Variants in PAFAH1B3 observed in about 807,000 individuals in gnomAD.
PAFAH1B3 encodes platelet-activating factor acetylhydrolase IB subunit alpha1.
A neutral mutation model predicts 24.4 loss-of-function variants in PAFAH1B3; 15 were observed. That is an observed-to-expected ratio of 0.62 (90% CI 0.41 to 0.95). The LOEUF is 0.95. Ranked by LOEUF, PAFAH1B3 falls within the 40% of genes least tolerant of loss-of-function variation. PAFAH1B3 has a pLI of 0.00. For synonymous variants in PAFAH1B3, 144 were observed against 126.5 expected, an observed-to-expected ratio of 1.14 and a Z score of -0.93; for missense variants, 266 against 312.2, an observed-to-expected ratio of 0.85 and a Z score of 1.12.
intron 2 of PAFAH1B3, among the ~76,000 whole-genome samples, chr19:42,301,609 G>T (rs943935258): frequency 1.3e-5 from 2 of 152,166 alleles, no homozygotes; most frequent in African/African-American, 4.8e-5. Context: ...CATTAGAGTT[G>T]CCCTTCGCTT....
chr19:42,299,918 G>C, intron 4 of PAFAH1B3, 52 bp downstream of exon 4: 1 of 1,609,308 alleles, frequency 6.2e-7, no homozygotes, highest in Admixed American at 1.7e-5. Flanking sequence ...CTATATCTGA[G>C]GGGGTCCCAG....
Position 42,300,293 on chromosome 19 carries a change from G to A in PAFAH1B3, c.169-6C>T, listed in dbSNP as rs1382599704. 1.2e-6 allele frequency: 2 copies of A among 1,613,012 alleles called. No individual in the cohort carries two copies. The highest frequency in any genetic ancestry group is 1.7e-6 in the Non-Finnish European group (2 of 1,179,028). ...GAGAAGAGCTCGCGCCAGATCTGTG[G>A]GCAAGAAGTGGTGTGGGCAAGAAGT... On this transcript the variant is annotated splice_region_variant and splice_polypyrimidine_tract_variant and intron_variant, in intron 2 of 4. Transcript: ENST00000262890.
Position 42,302,243 on chromosome 19 carries a change from A to T in PAFAH1B3, c.67T>A (p.Trp23Arg). 1 of 1,599,842 alleles carries T rather than the reference A, an allele frequency of 6.3e-7. No homozygotes were observed. The highest frequency in any genetic ancestry group is 8.5e-7 in the Non-Finnish European group (1 of 1,173,486). The change falls in exon 1 of 5, where the codon TGG becomes AGG. Residue 23 changes from tryptophan (W) to arginine (R), a missense_variant. By Grantham distance (101) the Trp-to-Arg change is moderately radical. Coordinates refer to ENST00000262890, the MANE Select transcript of PAFAH1B3 (RefSeq NM_002573.4). ...GTGGGAACGCTCACCAGGGACATCC[A>T]GCGCCCGTCGCCCTGTACGTCCTGC... is the stretch of plus-strand genomic sequence containing the variant. ...PVQDVQGDGRWMSLHHRFVAD... is the reference protein window; with the variant it reads ...PVQDVQGDGRRMSLHHRFVAD...
chr19:42,298,511 G>C (rs2038571339), intron 4 of PAFAH1B3, among the ~76,000 whole-genome samples: 1 of 152,054 alleles, frequency 6.6e-6, no homozygotes, highest in Non-Finnish European at 1.5e-5. Flanking sequence ...ATAAATAAAA[G>C]ATATCAACAT....
intron 4 of PAFAH1B3, among the ~76,000 whole-genome samples, chr19:42,298,923 C>T (rs2038576953): frequency 6.6e-6 from 1 of 151,808 alleles, no homozygotes; most frequent in Non-Finnish European, 1.5e-5. Context: ...ATGCCATTCT[C>T]CTGCCTCAGC....
chr19:42,299,942 T>C, intron 4 of PAFAH1B3, 28 bp downstream of exon 4: 1 of 1,612,950 alleles, frequency 6.2e-7, no homozygotes. Context: ...ACTGCCATTC[T>C]TCCTTTCCCA....
chr19:42,297,200 C>G lies in PAFAH1B3; in HGVS notation c.574G>C (p.Asp192His). The G allele has an allele frequency of 6.2e-7, 1 of 1,614,122 alleles. No individual in the cohort carries two copies. Among genetic ancestry groups the G allele is most frequent in the African/African-American group, 1.3e-5 (1 of 75,028 alleles). Residue 192 changes from aspartate (D) to histidine (H), a missense_variant, in exon 5 of 5, where the codon GAT becomes CAT. Coordinates refer to ENST00000262890, the MANE Select transcript of PAFAH1B3 (RefSeq NM_002573.4). Reference protein sequence around the residue: ...DGTISHHDMYDYLHLSRLGYT... With the variant: ...DGTISHHDMYHYLHLSRLGYT... ...CCCAGGCGGCTCAGATGCAGGTAAT[C>G]ATACATGTCATGATGGCTGATGGTG...
chr19:42,300,408 G>T, intron 2 of PAFAH1B3, 121 bp from the exon 3 acceptor site: 2 of 835,124 alleles, frequency 2.4e-6, no homozygotes, highest in Non-Finnish European at 3.9e-6. Flanking sequence ...TTACTTCATG[G>T]AAGCAGTCTT....
rs2038634963 is a variant in PAFAH1B3 at position 42,301,935 on chromosome 19, A to G, written c.168+15T>C. 3.2e-6 allele frequency: 5 copies of G among 1,546,162 alleles called. No homozygotes were observed. In the African/African-American group the frequency reaches 4.1e-5, roughly 13 times the overall value. ...ACAGGGCTGGATGGGGCAGGGGGAG[A>G]GGGACTGCCCTCACCTCGCACTGGT... On this transcript the variant is annotated intron_variant, in intron 2 of 4. Coordinates refer to ENST00000262890, the MANE Select transcript of PAFAH1B3 (RefSeq NM_002573.4).
chr19:42,300,683 A>T (rs1307865313), intron 2 of PAFAH1B3, among the ~76,000 whole-genome samples: 4 of 151,994 alleles, frequency 2.6e-5, no homozygotes, highest in South Asian at 2.1e-4. Flanking sequence ...ACGTCCAGCT[A>T]ATTTTTTGTA....
chr19:42,300,608 C>G (rs2038607019), intron 2 of PAFAH1B3, among the ~76,000 whole-genome samples: 1 of 152,142 alleles, frequency 6.6e-6, no homozygotes, highest in Non-Finnish European at 1.5e-5. Flanking sequence ...ACCTCCGCCT[C>G]CCTAGTTCAA....
At chr19:42,300,749 C>T (rs1407122824) in intron 2 of PAFAH1B3, among the ~76,000 whole-genome samples, 1 of 152,150 alleles carries the variant, frequency 6.6e-6, no homozygotes, top group Non-Finnish European at 1.5e-5. Context: ...GAACTCCTGA[C>T]CTCAGGTGAT....
chr19:42,300,106 G>C lies in PAFAH1B3; in HGVS notation c.286-14C>G. On this transcript the variant is annotated splice_polypyrimidine_tract_variant and intron_variant, in intron 3 of 4. Transcript: ENST00000262890. ...GACCACCACAATCTGTGGAAAAAGA[G>C]ACATGAAGCAGCGGTGAGGGGGCAG... 6.2e-7 allele frequency: 1 copy of C among 1,614,092 alleles called. No homozygotes were observed. Among genetic ancestry groups the C allele is most frequent in the Non-Finnish European group, 8.5e-7 (1 of 1,179,972 alleles).
In PAFAH1B3 at chr19:42,302,059, G is replaced by T. The variant is rs1460643332; in HGVS notation, c.79-20C>A. ...ATGGTGCTGCGGGAGCGCGCGAGAG[G>T]GAGTCAATGGCATGCACGCTCCAGG... On this transcript the variant is annotated intron_variant, in intron 1 of 4. Transcript: ENST00000262890. 2 of 1,556,984 alleles carry T rather than the reference G, an allele frequency of 1.3e-6. No individual in the cohort carries two copies. The highest frequency in any genetic ancestry group is 2.4e-5 in the South Asian group (2 of 84,606).
Position 42,302,393 on chromosome 19 carries a change from C to T in PAFAH1B3, c.-84G>A, listed in dbSNP as rs1038814506. 2.8e-5 allele frequency: 35 copies of T among 1,261,292 alleles called. 2 individuals carry two copies. In the South Asian group the frequency reaches 3.7e-4, roughly 13 times the overall value. The allele number at this position is 1,261,292 out of a possible 1,614,324, so 78.1% of individuals were successfully genotyped here. A position where few individuals can be genotyped will look rare whatever the true frequency, so the allele number is the denominator to read the frequency against. On this transcript the variant is annotated 5_prime_UTR_variant, in exon 1 of 5. Coordinates refer to ENST00000262890, the MANE Select transcript of PAFAH1B3 (RefSeq NM_002573.4). ...CGGAGCTGGCTCCGCCACGCCCACT[C>T]CTACCCCTCGCGGCAACAAAGGACC...
rs141406696 is a variant in PAFAH1B3, at chr19:42,299,983, C to T, written c.395G>A (p.Arg132Gln). The change falls in exon 4 of 5, where the codon CGG becomes CAG. Residue 132 changes from arginine to glutamine, a missense_variant. Physicochemically the swap from Arg to Gln is conservative, Grantham distance 43 (BLOSUM62 1). Coordinates refer to ENST00000262890, the MANE Select transcript of PAFAH1B3 (RefSeq NM_002573.4). The part of the protein sequence containing the change: ...QLVNERQPQA[R>Q]VVVLGLLPRG... ...CCAGCCTCTCACCAGCACCACAACC[C>T]GGGCCTGGGGCTGTCGCTCATTCAC... 5.6e-5 allele frequency: 90 copies of T among 1,614,146 alleles called. 1 individual carries two copies. Among genetic ancestry groups the T allele is most frequent in the South Asian group, 2.4e-4 (22 of 91,074 alleles).
intron 2 of PAFAH1B3, 91 bp downstream of exon 2, chr19:42,301,859 T>C (rs1231002422): frequency 3.1e-5 from 33 of 1,064,024 alleles, no homozygotes; most frequent in Non-Finnish European, 4.5e-5. Context: ...CTGGGTACTC[T>C]CATAATACCT....
upstream of PAFAH1B3, chr19:42,302,705 AG>A (rs2038658197): frequency 4.3e-6 from 1 of 231,578 alleles, no homozygotes; most frequent in South Asian, 5.9e-5. Flanking sequence ...CTACCTGAAG[AG>A]TCGAGAGTGG....
intron 2 of PAFAH1B3, 69 bp from the exon 3 acceptor site, chr19:42,300,356 C>T (rs2038600977): frequency 2.3e-6 from 3 of 1,319,568 alleles, no homozygotes; most frequent in Non-Finnish European, 3.3e-6. Flanking sequence ...TGGACCATCC[C>T]CCTCTGTCCA....
Sources: allele counts gnomAD v4.1 joint callset (sites outside exome capture counted in the v4.1 genomes callset), GRCh38; gene constraint gnomAD v4.1.1; transcripts MANE v1.5; gene names NCBI Gene and HGNC (gene_info 2026-07-23, HGNC 2026-07-21).